Variants in SHROOM3 observed in about 807,000 individuals in gnomAD.
The protein encoded by SHROOM3 is shroom family member 3, also known as protein Shroom3.
Under a neutral mutation model 138.6 loss-of-function variants are expected in SHROOM3, and 47 were observed. The observed-to-expected ratio is 0.34, with a 90% CI of 0.27 to 0.43. The LOEUF (loss-of-function observed/expected upper bound fraction) is 0.43. SHROOM3 is among the 20% of genes least tolerant of loss of function. The pLI is 1.00. For missense variants in SHROOM3, 2,491 were observed against 2,596.5 expected, an observed-to-expected ratio of 0.96 and a Z score of 0.88; for synonymous variants, 1,062 against 1,063.3, an observed-to-expected ratio of 1.00 and a Z score of 0.02.
intron 2 of SHROOM3, among the ~76,000 whole-genome samples, chr4:76,667,966 CAAAAAAAAAAA>C (rs747974205): frequency 4.8e-5 from 3 of 62,554 alleles, no homozygotes; most frequent in East Asian, 4.7e-4. Flanking sequence ...GACTCCCTCT[CAAAAAAAAAAA>C]AAAAAAAAAA....
intron 1 of SHROOM3, among the ~76,000 whole-genome samples, chr4:76,462,923 G>A (rs1223293973): frequency 5.9e-5 from 9 of 152,138 alleles, no homozygotes; most frequent in Non-Finnish European, 1.2e-4. Flanking sequence ...CCCAGACTCA[G>A]GTAGTTCTTT....
At chr4:76,735,869 ATATAT>A (rs1181856891) in intron 4 of SHROOM3, among the ~76,000 whole-genome samples, 29 of 13,996 alleles carry the variant, frequency 2.1e-3, no homozygotes, top group African/African-American at 6.7e-3. Flanking sequence ...AAAAAAAAAA[ATATAT>A]ATATATATAT....
intron 6 of SHROOM3, among the ~76,000 whole-genome samples, chr4:76,751,444 C>T (rs1294446883): frequency 1.3e-5 from 2 of 152,124 alleles, no homozygotes; most frequent in Non-Finnish European, 2.9e-5. Context: ...AGATTTTGCA[C>T]TGTTCAAGTT....
At chr4:76,567,989 C>G (rs578068126) in intron 2 of SHROOM3, among the ~76,000 whole-genome samples, 2 of 152,224 alleles carry the variant, frequency 1.3e-5, no homozygotes, top group Non-Finnish European at 2.9e-5. Flanking sequence ...GTCAGCATCC[C>G]CTGCAGAGTC....
intron 2 of SHROOM3, among the ~76,000 whole-genome samples, chr4:76,679,793 C>T (rs1486887731): frequency 1.3e-5 from 2 of 152,208 alleles, no homozygotes; most frequent in Admixed American, 6.5e-5. Context: ...ACATTCTCCT[C>T]GGTGACAAGG....
At chr4:76,446,344 T>C (rs1041740121) in intron 1 of SHROOM3, among the ~76,000 whole-genome samples, 1 of 141,618 alleles carries the variant, frequency 7.1e-6, no homozygotes, top group African/African-American at 2.6e-5. Flanking sequence ...AAAAAAAAAG[T>C]GGAATGCATG....
intron 2 of SHROOM3, among the ~76,000 whole-genome samples, chr4:76,644,930 T>C (rs559850595): frequency 6.6e-5 from 10 of 152,336 alleles, no homozygotes; most frequent in African/African-American, 2.4e-4. Flanking sequence ...CTAGTACTTA[T>C]GTAGTACTTA....
chr4:76,586,710 A>C (rs13140663), intron 2 of SHROOM3, among the ~76,000 whole-genome samples: 13,915 of 152,268 alleles, frequency 0.091, 764 homozygotes, highest in Non-Finnish European at 0.13. Flanking sequence ...CCTCTCAGGC[A>C]ACGGGCACTT....
At chr4:76,709,051 C>T (rs554867634) in intron 2 of SHROOM3, among the ~76,000 whole-genome samples, 39 of 152,308 alleles carry the variant, frequency 2.6e-4, no homozygotes, top group African/African-American at 9.1e-4. Flanking sequence ...TGGCCATCTT[C>T]CCCATGCTGT....
intron 2 of SHROOM3, among the ~76,000 whole-genome samples, chr4:76,677,941 A>G (rs1190323583): frequency 6.6e-6 from 1 of 152,142 alleles, no homozygotes; most frequent in East Asian, 1.9e-4. Context: ...GAAAGTCTAA[A>G]ATAAAATGTG....
At chr4:76,530,139 A>C (rs1732800543) in intron 1 of SHROOM3, among the ~76,000 whole-genome samples, 1 of 152,218 alleles carries the variant, frequency 6.6e-6, no homozygotes, top group Non-Finnish European at 1.5e-5. Flanking sequence ...ATTGAAAAGA[A>C]ATGGTCTTGT....
rs1721267939 is a variant in SHROOM3, at chr4:76,741,857, C to T, written c.3684C>T (p.Arg1228=). 2 of 1,610,492 alleles carry T rather than the reference C, an allele frequency of 1.2e-6. No individual in the cohort carries two copies. Among genetic ancestry groups the T allele is most frequent in the Non-Finnish European group, 1.7e-6 (2 of 1,179,338 alleles). ...KSMSAEDLLE[R]SDVLAGPVHV... is the part of the protein sequence containing the mutation. Reference sequence around the variant, plus strand: ...TGTCGGCCGAGGACCTGCTGGAACGCTCGGACGTCCTTGCGGGCCCTGTCC... The same window carrying T: ...TGTCGGCCGAGGACCTGCTGGAACGTTCGGACGTCCTTGCGGGCCCTGTCC... The change falls in exon 5 of 11, where the codon CGC becomes CGT. Residue 1228 remains arginine, a synonymous_variant. Coordinates refer to ENST00000296043, the MANE Select transcript of SHROOM3 (RefSeq NM_020859.4). The surrounding 1 kb of genome is among the most constrained non-coding windows in gnomAD (Gnocchi z 6.2).
chr4:76,760,281 T>G (rs2110148065), intron 9 of SHROOM3, among the ~76,000 whole-genome samples: 1 of 152,322 alleles, frequency 6.6e-6, no homozygotes, highest in East Asian at 1.9e-4. Flanking sequence ...TTTCAAATGT[T>G]AAGACACTTA....
chr4:76,538,322 A>C (rs981600941), intron 1 of SHROOM3, among the ~76,000 whole-genome samples: 1 of 152,242 alleles, frequency 6.6e-6, no homozygotes, highest in African/African-American at 2.4e-5. Flanking sequence ...AGATTAGGGA[A>C]GATTTCCACA....
At position 76,741,277 on chromosome 4, in the gene SHROOM3, C is replaced by T. The variant is rs1445464116; in HGVS notation, c.3104C>T (p.Ala1035Val). 4 of 1,611,860 alleles carry T rather than the reference C, an allele frequency of 2.5e-6. No homozygotes were observed. In the African/African-American group the frequency reaches 5.3e-5, roughly 22 times the overall value. Residue 1035 changes from alanine (A) to valine (V), a missense_variant, in exon 5 of 11, where the codon GCC becomes GTC. Physicochemically the swap from Ala to Val is moderately conservative, Grantham distance 64. This residue lies in a region of SHROOM3 where 1,733 missense variants were observed against 1,661.6 expected (regional missense o/e 1.04). Coordinates refer to ENST00000296043, the MANE Select transcript of SHROOM3 (RefSeq NM_020859.4). The surrounding 1 kb of genome is among the most constrained non-coding windows in gnomAD (Gnocchi z 6.2). Reference sequence around the variant, plus strand: ...AACGAGGTGGGGATCGTGGAGGAGGCCGAACCGGCACCCCTGGGCCCGCAG... The same window carrying T: ...AACGAGGTGGGGATCGTGGAGGAGGTCGAACCGGCACCCCTGGGCCCGCAG... ...KMNEVGIVEE[A>V]EPAPLGPQRN... is the part of the protein sequence containing the mutation.
At chr4:76,665,467 A>G (rs1345095219) in intron 2 of SHROOM3, among the ~76,000 whole-genome samples, 1 of 152,256 alleles carries the variant, frequency 6.6e-6, no homozygotes, top group African/African-American at 2.4e-5. Flanking sequence ...GTCATCTGGA[A>G]GAGAGCCCAG....
At chr4:76,502,936 A>G (rs1226397909) in intron 1 of SHROOM3, among the ~76,000 whole-genome samples, 1 of 152,094 alleles carries the variant, frequency 6.6e-6, no homozygotes, top group African/African-American at 2.4e-5. Flanking sequence ...ACTTTTCATG[A>G]ATCAGGTGAC....
At chr4:76,687,461 T>C (rs1259382683) in intron 2 of SHROOM3, among the ~76,000 whole-genome samples, 1 of 152,206 alleles carries the variant, frequency 6.6e-6, no homozygotes, top group Non-Finnish European at 1.5e-5. Context: ...TATGTGTAAC[T>C]ATTTCAGGTC....
chr4:76,630,896 G>A, intron 2 of SHROOM3, among the ~76,000 whole-genome samples: 1 of 152,308 alleles, frequency 6.6e-6, no homozygotes, highest in Non-Finnish European at 1.5e-5. Flanking sequence ...GGGCTACTGA[G>A]TTCCAATGGG....
Sources: allele counts gnomAD v4.1 joint callset (sites outside exome capture counted in the v4.1 genomes callset), GRCh38; gene constraint gnomAD v4.1.1; regional missense constraint gnomAD v4.1.1; non-coding constraint Gnocchi (gnomAD v3.1); transcripts MANE v1.5; gene names NCBI Gene and HGNC (gene_info 2026-07-23, HGNC 2026-07-21).